SLC5A6: variants seen among roughly 807,000 people sequenced by gnomAD.
SLC5A6 encodes sodium-dependent multivitamin transporter.
In SLC5A6, 31 loss-of-function variants were observed where a neutral mutation model predicts 67.9. That is an observed-to-expected ratio of 0.46 (90% confidence interval 0.34 to 0.62). The LOEUF (loss-of-function observed/expected upper bound fraction) is 0.62, where lower values mean the gene tolerates loss of function less well. Ranked by LOEUF, SLC5A6 falls within the 20% of genes least tolerant of loss-of-function variation. The pLI is 0.01. For synonymous variants in SLC5A6, 343 were observed against 331.0 expected, an observed-to-expected ratio of 1.04 and a Z score of -0.39; for missense variants, 673 against 812.8, an observed-to-expected ratio of 0.83 and a Z score of 2.09.
At chr2:27,205,643 TTC>T (rs1353594289) in intron 6 of SLC5A6, 139 bp from the exon 7 acceptor site, 2 of 1,040,156 alleles carry the variant, frequency 1.9e-6, no homozygotes, top group African/African-American at 3.2e-5. Context: ...AGTTTTTAGT[TTC>T]TGTCTCTGGT....
At chr2:27,211,142 G>C (rs1674463480) in intron 2 of SLC5A6, among the ~76,000 whole-genome samples, 1 of 152,240 alleles carries the variant, frequency 6.6e-6, no homozygotes, top group Non-Finnish European at 1.5e-5. Context: ...GTTCCAAAAA[G>C]ATTCCCTCAA....
chr2:27,204,744 C>T lies in SLC5A6; in HGVS notation c.875+47G>A, dbSNP rs200510620. The T allele has an allele frequency of 1.4e-3, 2,246 of 1,609,904 alleles. 11 individuals carry two copies. The highest frequency in any genetic ancestry group is 0.011 in the Middle Eastern group (65 of 6,056). ...CCCACCCCAATTATCTCTGGGGAAC[C>T]CCTTCCCCTAGACCTTGCTCCACTC... On this transcript the variant is annotated intron_variant, in intron 8 of 16. Coordinates refer to ENST00000310574, the MANE Select transcript of SLC5A6 (RefSeq NM_021095.4).
rs201214760 is a variant in SLC5A6, at chr2:27,202,042, T to C, written c.1308A>G (p.Gly436=). 1 of 1,613,986 alleles carries C rather than the reference T, an allele frequency of 6.2e-7. No homozygotes were observed. Among genetic ancestry groups the C allele is most frequent in the East Asian group, 2.2e-5 (1 of 44,878 alleles). Residue 436 remains glycine, a synonymous_variant, in exon 13 of 17, where the codon GGA becomes GGG. Coordinates refer to ENST00000310574, the MANE Select transcript of SLC5A6 (RefSeq NM_021095.4). ...CAAGGCAGAAGAGTCCCAGCAGCGG[T>C]CCCCCAACCATGCCAAAGATGCTGA... The part of the protein sequence containing the change: ...AAISIFGMVG[G]PLLGLFCLGM...
Position 27,207,354 on chromosome 2 carries a change from A to G in SLC5A6, c.297T>C (p.Tyr99=). The part of the protein sequence containing the change: ...PSEIYRFGTQ[Y]WFLGCCYFLG... ...GAAAGTAGCAGCAGCCCAGGAACCAATATTGGGTCCCAAATCGGTAGATCT... is the reference window on the plus strand; with the variant it reads ...GAAAGTAGCAGCAGCCCAGGAACCAGTATTGGGTCCCAAATCGGTAGATCT... Residue 99 remains tyrosine (Y), a synonymous_variant, in exon 3 of 17, where the codon TAT becomes TAC. Transcript: ENST00000310574. This position sits in a 1 kb window ranked among gnomAD's most constrained non-coding sequence, Gnocchi z 5.5. 6.2e-7 allele frequency: 1 copy of G among 1,614,174 alleles called. No individual in the cohort carries two copies. The highest frequency in any genetic ancestry group is 8.5e-7 in the Non-Finnish European group (1 of 1,180,040).
At chr2:27,203,480 T>C (rs1673808362) in intron 10 of SLC5A6, 135 bp from the exon 11 acceptor site, 1 of 763,788 alleles carries the variant, frequency 1.3e-6, no homozygotes, top group Admixed American at 2.6e-5. Context: ...TTGGACTTGA[T>C]GCCACCTCAG....
rs1572378665 is a variant in SLC5A6, at chr2:27,200,167, C to T, written c.*269G>A. 8.6e-6 allele frequency: 3 copies of T among 348,840 alleles called. No homozygotes were observed. Among genetic ancestry groups the T allele is most frequent in the Non-Finnish European group, 5.2e-6 (1 of 192,828 alleles). The allele number at this position is 348,840 out of a possible 1,614,324, so 21.6% of individuals were successfully genotyped here. On this transcript the variant is annotated 3_prime_UTR_variant, in exon 17 of 17. Coordinates refer to ENST00000310574, the MANE Select transcript of SLC5A6 (RefSeq NM_021095.4). The stretch of plus-strand genomic sequence containing the variant: ...ATCTTTTTCCCAGAGGATGCACTTC[C>T]ATCCCTATTTCTGGCATGATCCTGC...
At chr2:27,202,396 T>C (rs888757152) in intron 12 of SLC5A6, among the ~76,000 whole-genome samples, 2 of 145,378 alleles carry the variant, frequency 1.4e-5, no homozygotes, top group African/African-American at 2.5e-5. Context: ...CTCAGCTACT[T>C]AGGAGGCTGA....
chr2:27,204,707 C>A, intron 8 of SLC5A6, 84 bp downstream of exon 8: 1 of 1,599,334 alleles, frequency 6.3e-7, no homozygotes, highest in Admixed American at 1.7e-5. Context: ...TGTATGCACT[C>A]TGGCATCCTG....
Position 27,200,204 on chromosome 2 carries a change from C to T in SLC5A6, c.*232G>A. 2.2e-6 allele frequency: 1 copy of T among 460,238 alleles called. No individual in the cohort carries two copies. Among genetic ancestry groups the T allele is most frequent in the East Asian group, 3.4e-5 (1 of 29,470 alleles). 28.5% of individuals were successfully genotyped at this position (460,238 alleles called of 1,614,324 possible). A position where few individuals can be genotyped will look rare whatever the true frequency, so the allele number is the denominator to read the frequency against. The stretch of plus-strand genomic sequence containing the variant: ...TGGCATGATCCTGCTCCCTACGAGC[C>T]TGATCCTTTAAAAAACAGATTGGCA... On this transcript the variant is annotated 3_prime_UTR_variant, in exon 17 of 17. Coordinates refer to ENST00000310574, the MANE Select transcript of SLC5A6 (RefSeq NM_021095.4).
At position 27,212,087 on chromosome 2, in the gene SLC5A6, C is replaced by T. The variant is rs1674574424; in HGVS notation, c.-275G>A. ...CTCGGCGTCCGGACGCGGGGAACACCGGGCTGAGGGAGTCTGCAGTCGGCT... is the reference window on the plus strand; with the variant it reads ...CTCGGCGTCCGGACGCGGGGAACACTGGGCTGAGGGAGTCTGCAGTCGGCT... On this transcript the variant is annotated 5_prime_UTR_variant, in exon 1 of 17. Coordinates refer to ENST00000310574, the MANE Select transcript of SLC5A6 (RefSeq NM_021095.4). 7.3e-7 allele frequency: 1 copy of T among 1,367,094 alleles called. No homozygotes were observed. The highest frequency in any genetic ancestry group is 1.6e-5 in the African/African-American group (1 of 64,352). 84.7% of individuals were successfully genotyped at this position (1,367,094 alleles called of 1,614,324 possible).
intron 2 of SLC5A6, among the ~76,000 whole-genome samples, chr2:27,210,998 T>C (rs902687474): frequency 6.6e-6 from 1 of 152,176 alleles, no homozygotes; most frequent in African/African-American, 2.4e-5. Flanking sequence ...CACTCCAGCC[T>C]GGGCGACAGA....
At chr2:27,205,018 A>G (rs1379679066) in intron 7 of SLC5A6, 87 bp from the exon 8 acceptor site, 2 of 1,514,542 alleles carry the variant, frequency 1.3e-6, no homozygotes, top group Admixed American at 1.7e-5. Flanking sequence ...GTGGACAGGA[A>G]AGGAGAGACA....
chr2:27,203,493 C>T (rs72812717), intron 10 of SLC5A6, 148 bp from the exon 11 acceptor site: 705 of 712,918 alleles, frequency 9.9e-4, no homozygotes, highest in Non-Finnish European at 1.2e-3. Context: ...CACCTCAGAG[C>T]GGGCCTGGAA....
chr2:27,205,945 A>T, intron 6 of SLC5A6, 81 bp downstream of exon 6: 1 of 1,050,412 alleles, frequency 9.5e-7, no homozygotes, highest in Non-Finnish European at 1.5e-6. Context: ...TTCTCAGCTT[A>T]TCTCTTCTTT....
chr2:27,205,971 G>A, intron 6 of SLC5A6, 55 bp downstream of exon 6: 1 of 1,290,504 alleles, frequency 7.7e-7, no homozygotes, highest in Non-Finnish European at 1.1e-6. Context: ...CTCTTCCCAT[G>A]TCCCCTCCTT....
At chr2:27,210,672 T>C (rs1033951739) in intron 2 of SLC5A6, among the ~76,000 whole-genome samples, 1 of 150,816 alleles carries the variant, frequency 6.6e-6, no homozygotes, top group Non-Finnish European at 1.5e-5. Context: ...TCAAAACTCC[T>C]GACATGACGA....
chr2:27,205,060 C>A, intron 7 of SLC5A6, 129 bp from the exon 8 acceptor site: 1 of 1,122,260 alleles, frequency 8.9e-7, no homozygotes, highest in Non-Finnish European at 1.3e-6. Flanking sequence ...ACACTGAAAG[C>A]AAGAAGCTGG....
At chr2:27,212,336 C>A, upstream of SLC5A6, 1 of 1,549,384 alleles carries the variant, frequency 6.5e-7, no homozygotes. Flanking sequence ...GGGGCCGGGT[C>A]GCGCGAGCAG....
Position 27,206,386 on chromosome 2 carries a change from T to C in SLC5A6, c.511+97A>G, listed in dbSNP as rs796849931. ...CGGTGAATTAATTCCCCATTCAAGG[T>C]CAGGTTCTTTTCCACATACGCTCCT... On this transcript the variant is annotated intron_variant, in intron 5 of 16. Coordinates refer to ENST00000310574, the MANE Select transcript of SLC5A6 (RefSeq NM_021095.4). 8.6e-6 allele frequency: 10 copies of C among 1,162,676 alleles called. No individual in the cohort carries two copies. In the African/African-American group the frequency reaches 1.4e-4, roughly 16 times the overall value. The allele number at this position is 1,162,676 out of a possible 1,614,324, so 72.0% of individuals were successfully genotyped here. A position where few individuals can be genotyped will look rare whatever the true frequency, so the allele number is the denominator to read the frequency against.
Sources: allele counts gnomAD v4.1 joint callset (sites outside exome capture counted in the v4.1 genomes callset), GRCh38; gene constraint gnomAD v4.1.1; non-coding constraint Gnocchi (gnomAD v3.1); transcripts MANE v1.5; gene names NCBI Gene and HGNC (gene_info 2026-07-23, HGNC 2026-07-21).